Variants in CCDC138 observed in about 807,000 individuals in gnomAD.
CCDC138 encodes the protein coiled-coil domain containing 138, also known as coiled-coil domain-containing protein 138.
CCDC138 carries 66 observed loss-of-function variants against 82.3 expected under a neutral mutation model. That is an observed-to-expected ratio of 0.80 (90% CI 0.66 to 0.98). The LOEUF (loss-of-function observed/expected upper bound fraction) is 0.98. Among genes scored for constraint, CCDC138 ranks in the 50% least tolerant of loss-of-function variants. The probability of loss-of-function intolerance (pLI) is 0.00; values close to 1 mark genes in which losing one functional copy is unlikely to be tolerated. For missense variants in CCDC138, 816 were observed against 758.9 expected (o/e 1.08, Z -0.88); for synonymous variants, 297 against 265.4 (o/e 1.12, Z -1.16).
intron 4 of CCDC138, among the ~76,000 whole-genome samples, chr2:108,793,953 A>G (rs574650051): frequency 7.2e-5 from 11 of 152,154 alleles, no homozygotes; most frequent in Non-Finnish European, 1.3e-4. Flanking sequence ...ACGAGACTGT[A>G]GCATCTGTAT....
chr2:108,875,389 G>T (rs1383162951), intron 14 of CCDC138, among the ~76,000 whole-genome samples: 5 of 150,948 alleles, frequency 3.3e-5, no homozygotes, highest in Admixed American at 3.3e-4. Context: ...ATTAGAAAGA[G>T]GATGGTTGAA....
At chr2:108,862,820 C>A (rs1693844090) in intron 13 of CCDC138, among the ~76,000 whole-genome samples, 1 of 151,868 alleles carries the variant, frequency 6.6e-6, no homozygotes, top group African/African-American at 2.4e-5. Context: ...TGGTTAGATA[C>A]TAGTGCATAT....
At chr2:108,812,602 T>G (rs759892494) in intron 7 of CCDC138, 29 bp from the exon 8 acceptor site, 6 of 1,551,542 alleles carry the variant, frequency 3.9e-6, no homozygotes, top group Non-Finnish European at 5.3e-6. Flanking sequence ...AGGTGTATAT[T>G]GAAATATCTA....
At chr2:108,857,749 A>G (rs1400655656) in intron 13 of CCDC138, among the ~76,000 whole-genome samples, 1 of 152,202 alleles carries the variant, frequency 6.6e-6, no homozygotes, top group Non-Finnish European at 1.5e-5. Flanking sequence ...AAGTTAGTGA[A>G]CTGAGGGATC....
At chr2:108,826,970 A>C (rs564834684) in intron 10 of CCDC138, among the ~76,000 whole-genome samples, 1 of 152,310 alleles carries the variant, frequency 6.6e-6, no homozygotes, top group African/African-American at 2.4e-5. Context: ...TTGAAAAGTT[A>C]GTTTCACAGT....
chr2:108,866,725 A>G (rs1487525717), intron 13 of CCDC138, among the ~76,000 whole-genome samples: 1 of 152,208 alleles, frequency 6.6e-6, no homozygotes, highest in African/African-American at 2.4e-5. Context: ...TCTACTAAAA[A>G]TACAAACATT....
chr2:108,827,554 C>T (rs1003791158), intron 10 of CCDC138, among the ~76,000 whole-genome samples: 1 of 152,024 alleles, frequency 6.6e-6, no homozygotes, highest in South Asian at 2.1e-4. Flanking sequence ...CAGTGGCTCC[C>T]GCCTGTAATC....
At chr2:108,849,879 G>A (rs1691167020) in intron 12 of CCDC138, among the ~76,000 whole-genome samples, 1 of 152,186 alleles carries the variant, frequency 6.6e-6, no homozygotes, top group Admixed American at 6.5e-5. Context: ...TGAGTCTCAG[G>A]GAGAAGAGCA....
chr2:108,806,452 G>A (rs1573992024), intron 7 of CCDC138, among the ~76,000 whole-genome samples: 1 of 152,286 alleles, frequency 6.6e-6, no homozygotes, highest in East Asian at 1.9e-4. Context: ...TGTACAAACT[G>A]AAAAAATTTG....
In CCDC138 at chr2:108,873,729, A is replaced by C. The variant is rs1160400626; in HGVS notation, c.1832+140A>C. 5 of 564,398 alleles carry C rather than the reference A, an allele frequency of 8.9e-6. No individual in the cohort carries two copies. The Admixed American group carries it at 9.8e-5, about 11-fold the overall frequency. The allele number at this position is 564,398 out of a possible 1,614,324, so 35.0% of individuals were successfully genotyped here. On this transcript the variant is annotated intron_variant, in intron 14 of 14. Transcript: ENST00000295124. ...CCTTGTGCCACACATAAAATACGCT[A>C]ACACTAACGATAGCTGATGTGCTAA...
At chr2:108,846,654 G>A in intron 11 of CCDC138, 84 bp from the exon 12 acceptor site, 1 of 1,223,472 alleles carries the variant, frequency 8.2e-7, no homozygotes, top group Non-Finnish European at 1.2e-6. Context: ...TCCAACCTGG[G>A]CAACAGAGCA....
chr2:108,792,785 C>T (rs936758732), intron 4 of CCDC138, among the ~76,000 whole-genome samples: 2 of 152,222 alleles, frequency 1.3e-5, no homozygotes, highest in Non-Finnish European at 2.9e-5. Flanking sequence ...TGAGCGTCGG[C>T]CAGGCGCGGT....
At chr2:108,832,874 A>G (rs1215945025) in intron 10 of CCDC138, among the ~76,000 whole-genome samples, 1 of 152,150 alleles carries the variant, frequency 6.6e-6, no homozygotes, top group Non-Finnish European at 1.5e-5. Context: ...AAGTGGAGTC[A>G]CCTGCTGTTC....
At chr2:108,862,634 C>T (rs937142072) in intron 13 of CCDC138, among the ~76,000 whole-genome samples, 48 of 152,232 alleles carry the variant, frequency 3.2e-4, no homozygotes, top group African/African-American at 1.2e-3. Context: ...TGTTTACATA[C>T]TACATGATAT....
At chr2:108,820,330 T>C (rs566994906) in intron 10 of CCDC138, among the ~76,000 whole-genome samples, 5 of 152,240 alleles carry the variant, frequency 3.3e-5, no homozygotes, top group Middle Eastern at 3.4e-3. Context: ...GAGGGACTTA[T>C]GGGAGATCAT....
intron 11 of CCDC138, among the ~76,000 whole-genome samples, chr2:108,840,733 TTC>T (rs1020421323): frequency 6.6e-6 from 1 of 152,168 alleles, no homozygotes; most frequent in African/African-American, 2.4e-5. Context: ...TGCTAGAAGT[TTC>T]TCTGTTTCTC....
At chr2:108,795,911 A>G (rs1053100837) in intron 5 of CCDC138, among the ~76,000 whole-genome samples, 1 of 152,232 alleles carries the variant, frequency 6.6e-6, no homozygotes, top group African/African-American at 2.4e-5. Flanking sequence ...GATTCCTTTG[A>G]TAACACTTTA....
chr2:108,792,983 G>A (rs1680164894), intron 4 of CCDC138, among the ~76,000 whole-genome samples: 1 of 151,924 alleles, frequency 6.6e-6, no homozygotes, highest in Non-Finnish European at 1.5e-5. Flanking sequence ...AGAATCACTT[G>A]AACCCGGGAA....
rs539326045 is a variant in CCDC138, at chr2:108,883,035, A to G, written c.*44+244A>G. 12 of 152,336 alleles carry G rather than the reference A, an allele frequency of 7.9e-5. No homozygotes were observed. In the East Asian group the frequency reaches 2.3e-3, roughly 29 times the overall value. 9.4% of individuals were successfully genotyped at this position (152,336 alleles called of 1,614,324 possible). On this transcript the variant is annotated intron_variant, in intron 2 of 2. Transcript: ENST00000608781. Reference sequence around the variant, plus strand: ...CTTTATATAGGAGCATCGAGATTAAACACTGAATTCAGCAGTGTTCAATTC... The same window carrying G: ...CTTTATATAGGAGCATCGAGATTAAGCACTGAATTCAGCAGTGTTCAATTC...
Sources: allele counts gnomAD v4.1 joint callset (sites outside exome capture counted in the v4.1 genomes callset), GRCh38; gene constraint gnomAD v4.1.1; transcripts MANE v1.5; gene names NCBI Gene and HGNC (gene_info 2026-07-23, HGNC 2026-07-21).